Variants in GBE1 observed in about 807,000 individuals in gnomAD.
GBE1 encodes the protein 1,4-alpha-glucan branching enzyme 1.
A neutral mutation model predicts 88.8 loss-of-function variants in GBE1; 70 were observed. The ratio of observed to expected loss-of-function variants is 0.79; its 90% CI spans 0.65 to 0.96. The LOEUF is 0.96. GBE1 is among the 40% of genes least tolerant of loss of function. The pLI is 0.00. For missense variants in GBE1, 872 were observed against 871.0 expected (o/e 1.00, Z -0.01); for synonymous variants, 284 against 300.1 (o/e 0.95, Z 0.56).
At chr3:81,639,503 A>T (rs1177537295) in intron 7 of GBE1, among the ~76,000 whole-genome samples, 2 of 152,064 alleles carry the variant, frequency 1.3e-5, no homozygotes, top group African/African-American at 4.8e-5. Flanking sequence ...AAAATTACTT[A>T]ACGCCCCTTC....
At chr3:81,660,338 C>T (rs1283931628) in intron 3 of GBE1, among the ~76,000 whole-genome samples, 1 of 152,148 alleles carries the variant, frequency 6.6e-6, no homozygotes, top group African/African-American at 2.4e-5. Context: ...TTTCATCCTT[C>T]CTTGTTCAGA....
chr3:81,529,765 A>G (rs1702989901), intron 14 of GBE1, among the ~76,000 whole-genome samples: 1 of 151,840 alleles, frequency 6.6e-6, no homozygotes, highest in South Asian at 2.1e-4. Flanking sequence ...CCTTTGGGAA[A>G]TTGATTTTTA....
intron 3 of GBE1, among the ~76,000 whole-genome samples, chr3:81,662,507 C>A (rs1325098740): frequency 2.0e-5 from 3 of 151,954 alleles, no homozygotes; most frequent in African/African-American, 7.2e-5. Flanking sequence ...GAAAAAGTTT[C>A]CACTATACTT....
chr3:81,653,499 A>G (rs1273767967), intron 3 of GBE1, among the ~76,000 whole-genome samples: 2 of 152,062 alleles, frequency 1.3e-5, no homozygotes, highest in African/African-American at 2.4e-5. Context: ...AAAAAAAATA[A>G]AGCTAAAAGA....
chr3:81,527,498 T>C (rs1443402941), intron 14 of GBE1, among the ~76,000 whole-genome samples: 1 of 152,164 alleles, frequency 6.6e-6, no homozygotes, highest in Non-Finnish European at 1.5e-5. Context: ...ATCCAGAATC[T>C]ACAATGAACT....
intron 12 of GBE1, among the ~76,000 whole-genome samples, chr3:81,566,548 C>T (rs1489522443): frequency 1.3e-5 from 2 of 152,156 alleles, no homozygotes; most frequent in Non-Finnish European, 2.9e-5. Flanking sequence ...CTCCTGATTA[C>T]AAATATCTAA....
intron 2 of GBE1, 22 bp from the exon 3 acceptor site, chr3:81,670,975 G>C (rs1705181143): frequency 8.4e-7 from 1 of 1,194,194 alleles, no homozygotes; most frequent in Non-Finnish European, 1.2e-6. Flanking sequence ...AAGAAGATCA[G>C]TTAACAACAG....
chr3:81,639,074 T>A (rs902792845), intron 7 of GBE1, among the ~76,000 whole-genome samples: 1 of 152,182 alleles, frequency 6.6e-6, no homozygotes, highest in Non-Finnish European at 1.5e-5. Context: ...ATTTAAAATA[T>A]GAAACATAAA....
chr3:81,683,142 G>A (rs542371178), intron 2 of GBE1, among the ~76,000 whole-genome samples: 4 of 152,260 alleles, frequency 2.6e-5, no homozygotes, highest in African/African-American at 9.6e-5. Flanking sequence ...CGTTGAAAAT[G>A]TTCTAAAATG....
Position 81,642,929 on chromosome 3 carries a change from T to C in GBE1, c.844A>G (p.Ile282Val), listed in dbSNP as rs745992554. The change falls in exon 7 of 16, where the codon ATA becomes GTA. Residue 282 changes from isoleucine to valine, a missense_variant. Coordinates refer to ENST00000429644, the MANE Select transcript of GBE1 (RefSeq NM_000158.4). Reference sequence around the variant, plus strand: ...CTGTGTACCACATCTAAGAGGACTATGATACCCATGGAATGAGCTGTGTCT... The same window carrying C: ...CTGTGTACCACATCTAAGAGGACTACGATACCCATGGAATGAGCTGTGTCT... ...LVDTAHSMGIIVLLDVVHSHA... is the reference protein window; with the variant it reads ...LVDTAHSMGIVVLLDVVHSHA... 2.5e-6 allele frequency: 4 copies of C among 1,613,048 alleles called. No individual in the cohort carries two copies. Among genetic ancestry groups the C allele is most frequent in the African/African-American group, 2.7e-5 (2 of 74,876 alleles).
In GBE1 at chr3:81,562,251, G is replaced by A. The variant is rs575349364; in HGVS notation, c.1618+15674C>T. On this transcript the variant is annotated intron_variant, in intron 12 of 15. Coordinates refer to ENST00000429644, the MANE Select transcript of GBE1 (RefSeq NM_000158.4). ...ATTTGTAACATTGGTTCATAATTTG[G>A]AAACAAATTACTTTCTCCCTTGATT... 6.0e-4 allele frequency among the ~76,000 whole-genome samples: 92 copies of A among 152,140 alleles called. 1 individual carries two copies. The highest frequency in any genetic ancestry group is 1.8e-3 in the Admixed American group (27 of 15,250).
At chr3:81,690,473 A>G (rs1466211883) in intron 2 of GBE1, among the ~76,000 whole-genome samples, 2 of 152,234 alleles carry the variant, frequency 1.3e-5, no homozygotes, top group South Asian at 2.1e-4. Flanking sequence ...CAAACAATAC[A>G]TGTGCATTAA....
chr3:81,744,192 A>G (rs1428715968), intron 1 of GBE1, among the ~76,000 whole-genome samples: 1 of 152,178 alleles, frequency 6.6e-6, no homozygotes, highest in African/African-American at 2.4e-5. Context: ...AGCACTTGAA[A>G]TATGACTAGT....
intron 12 of GBE1, among the ~76,000 whole-genome samples, chr3:81,554,037 G>A (rs968436861): frequency 1.3e-5 from 2 of 152,128 alleles, no homozygotes; most frequent in African/African-American, 2.4e-5. Context: ...AATGTTGTAA[G>A]AACCAGATAT....
intron 1 of GBE1, among the ~76,000 whole-genome samples, chr3:81,724,566 A>G (rs895804993): frequency 2.0e-5 from 3 of 152,260 alleles, no homozygotes; most frequent in East Asian, 1.9e-4. Flanking sequence ...CTCACTACAA[A>G]GTATTCCAAA....
At chr3:81,721,189 C>A in intron 1 of GBE1, among the ~76,000 whole-genome samples, 1 of 86,446 alleles carries the variant, frequency 1.2e-5, no homozygotes, top group Non-Finnish European at 2.1e-5. Context: ...TACCCTAAAA[C>A]TTAGAGTATA....
intron 12 of GBE1, among the ~76,000 whole-genome samples, chr3:81,573,131 A>C (rs1480507851): frequency 6.6e-6 from 1 of 152,216 alleles, no homozygotes; most frequent in Non-Finnish European, 1.5e-5. Context: ...CATTAATACT[A>C]GTTCTAACTG....
At chr3:81,551,219 C>T (rs1465549027) in intron 12 of GBE1, among the ~76,000 whole-genome samples, 1 of 152,164 alleles carries the variant, frequency 6.6e-6, no homozygotes, top group African/African-American at 2.4e-5. Context: ...AGATAACATG[C>T]TTAATTGCTT....
intron 8 of GBE1, among the ~76,000 whole-genome samples, chr3:81,592,664 C>G (rs926441998): frequency 1.3e-5 from 2 of 151,680 alleles, no homozygotes; most frequent in Admixed American, 1.3e-4. Flanking sequence ...GATTCTGTAT[C>G]TATAAAAAGC....
Sources: gnomAD v4.1 joint callset for allele counts (sites outside exome capture counted in the v4.1 genomes callset) on GRCh38, gnomAD v4.1.1 for gene constraint, MANE v1.5 for transcripts, NCBI Gene and HGNC (gene_info 2026-07-23, HGNC 2026-07-21) for gene names.